The following LOC400499 variants were observed in gnomAD, a reference collection of about 807,000 sequenced individuals.
chr16:11,479,689 C>A, the LOC400499 span, among the ~76,000 whole-genome samples: 1 of 152,232 alleles, frequency 6.6e-6, no homozygotes, highest in East Asian at 1.9e-4. Context: ...TCCCACGTAT[C>A]CTTCAACTGA....
the LOC400499 span, chr16:11,385,437 G>T: frequency 8.1e-7 from 1 of 1,231,110 alleles, no homozygotes; most frequent in Non-Finnish European, 1.0e-6. Context: ...GCAGCCCAAA[G>T]GCAGGGTGAG....
At chr16:11,509,421 A>G in the LOC400499 span, among the ~76,000 whole-genome samples, 13 of 151,246 alleles carry the variant, frequency 8.6e-5, no homozygotes, top group South Asian at 1.3e-3. Flanking sequence ...CCCAGCCAAC[A>G]CTGAGTATCC....
chr16:11,388,511 C>T, the LOC400499 span, among the ~76,000 whole-genome samples: 21 of 152,272 alleles, frequency 1.4e-4, no homozygotes, highest in African/African-American at 5.1e-4. Flanking sequence ...GAGCTGCCTC[C>T]CTGCTTGGAG....
chr16:11,462,210 C>T, the LOC400499 span: 46 of 1,534,630 alleles, frequency 3.0e-5, no homozygotes, highest in African/African-American at 4.1e-5. Context: ...CCGGTGAAGA[C>T]GACGGGGCTG....
the LOC400499 span, among the ~76,000 whole-genome samples, chr16:11,468,639 T>A: frequency 6.6e-6 from 1 of 152,238 alleles, no homozygotes; most frequent in East Asian, 1.9e-4. Context: ...TCTTTCTTTC[T>A]TTTTTTGAGA....
the LOC400499 span, among the ~76,000 whole-genome samples, chr16:11,452,928 G>A: frequency 6.6e-6 from 1 of 152,252 alleles, no homozygotes; most frequent in South Asian, 2.1e-4. Context: ...CTGGTCCGAT[G>A]AGTTTTCTGG....
chr16:11,428,176 G>A, the LOC400499 span, among the ~76,000 whole-genome samples: 6 of 152,038 alleles, frequency 3.9e-5, no homozygotes, highest in East Asian at 1.2e-3. Context: ...TCCCCTTTGT[G>A]TTTATTTTAT....
At chr16:11,411,593 T>C in the LOC400499 span, among the ~76,000 whole-genome samples, 1 of 152,176 alleles carries the variant, frequency 6.6e-6, no homozygotes, top group Non-Finnish European at 1.5e-5. Flanking sequence ...AGCAAGCTTC[T>C]TGGTTGTCCC....
the LOC400499 span, chr16:11,502,040 G>T: frequency 2.5e-6 from 1 of 398,858 alleles, no homozygotes; most frequent in Non-Finnish European, 4.4e-6. Flanking sequence ...CCCCCAGCCA[G>T]CTCCTAGTCC....
At chr16:11,517,061 T>C in the LOC400499 span, among the ~76,000 whole-genome samples, 6 of 152,138 alleles carry the variant, frequency 3.9e-5, no homozygotes, top group African/African-American at 9.7e-5. Context: ...AGGAACCTAA[T>C]TGTCATCAAT....
the LOC400499 span, among the ~76,000 whole-genome samples, chr16:11,447,352 A>G: frequency 5.3e-5 from 8 of 152,178 alleles, no homozygotes; most frequent in Non-Finnish European, 1.0e-4. Flanking sequence ...GATAACATAC[A>G]TGAAACGACC....
chr16:11,467,997 G>A, the LOC400499 span, among the ~76,000 whole-genome samples: 3 of 152,064 alleles, frequency 2.0e-5, no homozygotes, highest in Non-Finnish European at 4.4e-5. Flanking sequence ...GACAGAGACA[G>A]AAGACCACCT....
At chr16:11,448,963 G>T in the LOC400499 span, 1 of 1,503,884 alleles carries the variant, frequency 6.6e-7, no homozygotes, top group Non-Finnish European at 8.9e-7. Flanking sequence ...AGCTCCTGCT[G>T]GGGGCCTTTC....
At chr16:11,383,550 C>A in the LOC400499 span, 1 of 1,188,438 alleles carries the variant, frequency 8.4e-7, no homozygotes, top group Non-Finnish European at 1.1e-6. Flanking sequence ...AATTATTTGT[C>A]CTCCCTGGTG....
At chr16:11,508,154 C>T in the LOC400499 span, among the ~76,000 whole-genome samples, 1 of 152,206 alleles carries the variant, frequency 6.6e-6, no homozygotes, top group African/African-American at 2.4e-5. Flanking sequence ...TAAACCATCT[C>T]TCTCGTGCTT....
chr16:11,463,739 G>GTA, the LOC400499 span, among the ~76,000 whole-genome samples: 3 of 152,126 alleles, frequency 2.0e-5, no homozygotes, highest in African/African-American at 4.8e-5. Flanking sequence ...GTACAGATAT[G>GTA]TATATATATG....
chr16:11,519,868 C>A, the LOC400499 span, among the ~76,000 whole-genome samples: 1 of 151,824 alleles, frequency 6.6e-6, no homozygotes, highest in Non-Finnish European at 1.5e-5. Context: ...ACCACGCCCA[C>A]CTAATTTTGT....
the LOC400499 span, chr16:11,391,615 G>A: frequency 5.7e-6 from 7 of 1,221,074 alleles, no homozygotes; most frequent in Middle Eastern, 3.1e-4. Context: ...CGGTGGAGAG[G>A]GGGGACATTG....
At chr16:11,418,073 T>C in the LOC400499 span, among the ~76,000 whole-genome samples, 1 of 151,888 alleles carries the variant, frequency 6.6e-6, no homozygotes, top group Admixed American at 6.6e-5. Flanking sequence ...AATCAGGAAG[T>C]GGGGCAGGCA....
Sources: gnomAD v4.1 joint callset for allele counts (sites outside exome capture counted in the v4.1 genomes callset) on GRCh38, gnomAD v4.1.1 for gene constraint, MANE v1.5 for transcripts.